Variants in RARB observed in about 807,000 individuals in gnomAD.
The protein encoded by RARB is HBV-activated protein.
Under a neutral mutation model 51.9 loss-of-function variants are expected in RARB, and 17 were observed. That is an observed-to-expected ratio of 0.33 (90% CI 0.22 to 0.49). The LOEUF (loss-of-function observed/expected upper bound fraction) is 0.49, where lower values mean the gene tolerates loss of function less well. Among genes scored for constraint, RARB ranks in the 20% least tolerant of loss-of-function variants. The pLI, the probability that RARB is intolerant of heterozygous loss-of-function variation, is 0.99. For missense variants in RARB, 369 were observed against 550.8 expected, an observed-to-expected ratio of 0.67 and a Z score of 3.30; for synonymous variants, 215 against 195.4, an observed-to-expected ratio of 1.10 and a Z score of -0.84.
At chr3:25,548,782 C>G (rs1699726532) in intron 3 of RARB, among the ~76,000 whole-genome samples, 1 of 152,062 alleles carries the variant, frequency 6.6e-6, no homozygotes, top group Non-Finnish European at 1.5e-5. Context: ...TGCTTTCTTC[C>G]CATTTTTTAT....
rs115216341 is a variant in RARB, at chr3:25,214,049, C to T, written c.178+39474C>T. ...GCCATGCATACAGAGCATTTTCATA[C>T]ATTTCTGTGAAGATGCAATACATTT... On this transcript the variant is annotated intron_variant, in intron 5 of 11. Transcript: ENST00000383772. Among the ~76,000 whole-genome samples the T allele has an allele frequency of 5.4e-3, 827 of 152,296 alleles. 14 individuals are homozygous for T. Among genetic ancestry groups the T allele is most frequent in the African/African-American group, 0.018 (730 of 41,556 alleles).
chr3:25,408,159 T>C (rs4681060), intron 5 of RARB, among the ~76,000 whole-genome samples: 1 of 152,068 alleles, frequency 6.6e-6, no homozygotes, highest in Non-Finnish European at 1.5e-5. Context: ...TTAACTACAC[T>C]GAACAGGCTC....
At chr3:25,530,404 A>G (rs1013978848) in intron 3 of RARB, among the ~76,000 whole-genome samples, 9 of 152,210 alleles carry the variant, frequency 5.9e-5, no homozygotes, top group Admixed American at 4.6e-4. Flanking sequence ...ACTATCTTGT[A>G]GTTCTGGAGG....
At chr3:24,844,722 C>T (rs1489645245) in intron 1 of RARB, among the ~76,000 whole-genome samples, 1 of 152,204 alleles carries the variant, frequency 6.6e-6, no homozygotes, top group Non-Finnish European at 1.5e-5. Context: ...ATTTTATCAA[C>T]TTATACACAG....
chr3:25,389,497 T>C (rs1706887887), intron 5 of RARB, among the ~76,000 whole-genome samples: 1 of 152,172 alleles, frequency 6.6e-6, no homozygotes, highest in South Asian at 2.1e-4. Flanking sequence ...TAGGACCAAC[T>C]CAGCGGTGTT....
intron 5 of RARB, among the ~76,000 whole-genome samples, chr3:25,199,402 G>A (rs1041303783): frequency 5.9e-5 from 9 of 151,988 alleles, no homozygotes; most frequent in Non-Finnish European, 7.4e-5. Flanking sequence ...AAAACAGAGC[G>A]ATTACAGTCA....
rs914440673 is a variant in RARB, at chr3:25,103,085, A to AG, written c.-327-29073dup. 2.0e-5 allele frequency among the ~76,000 whole-genome samples: 3 copies of AG among 152,152 alleles called. 1 individual carries two copies. Among genetic ancestry groups the AG allele is most frequent in the South Asian group, 4.1e-4 (2 of 4,832 alleles). Reference sequence around the variant, plus strand: ...TATAGTGCAGAGGTAGAACTTGTTGAGGGAGTGTAAGATGAGGAAGCTTGG... The same window carrying AG: ...TATAGTGCAGAGGTAGAACTTGTTGAGGGGAGTGTAAGATGAGGAAGCTTGG... On this transcript the variant is annotated intron_variant, in intron 3 of 11. Transcript: ENST00000383772.
intron 2 of RARB, among the ~76,000 whole-genome samples, chr3:25,045,195 G>A (rs187288376): frequency 4.6e-5 from 7 of 152,280 alleles, no homozygotes; most frequent in Admixed American, 2.0e-4. Flanking sequence ...ACTTTCCTGG[G>A]TGTTTGATGG....
intron 4 of RARB, among the ~76,000 whole-genome samples, chr3:25,140,228 T>G (rs917714184): frequency 3.3e-5 from 5 of 152,228 alleles, no homozygotes; most frequent in African/African-American, 9.6e-5. Flanking sequence ...GTGATTTCTC[T>G]GATGGATTTT....
rs116113991 is a variant in RARB, at chr3:25,239,637, T to G, written c.178+65062T>G. Among the ~76,000 whole-genome samples the G allele has an allele frequency of 4.5e-3, 683 of 152,304 alleles. 8 individuals are homozygous for G. The highest frequency in any genetic ancestry group is 0.015 in the African/African-American group (633 of 41,568). ...TATACATAGATTTATTTCTGGGTCCTCTATTCTGTTCCGTTGGTCTGCGCA... is the reference window on the plus strand; with the variant it reads ...TATACATAGATTTATTTCTGGGTCCGCTATTCTGTTCCGTTGGTCTGCGCA... On this transcript the variant is annotated intron_variant, in intron 5 of 11. Coordinates refer to the RARB transcript ENST00000383772.
At chr3:24,868,617 C>T (rs1274077037) in intron 2 of RARB, among the ~76,000 whole-genome samples, 1 of 152,126 alleles carries the variant, frequency 6.6e-6, no homozygotes, top group Non-Finnish European at 1.5e-5. Flanking sequence ...ATTATATCCT[C>T]TTCCCTTTTG....
At chr3:24,899,569 C>A (rs979611882) in intron 2 of RARB, among the ~76,000 whole-genome samples, 15 of 152,066 alleles carry the variant, frequency 9.9e-5, no homozygotes, top group African/African-American at 3.6e-4. Context: ...TGATTAGGAC[C>A]CAGAGGAGTT....
chr3:25,044,995 T>C lies in RARB; in HGVS notation c.-379-15130T>C, dbSNP rs555821671. On this transcript the variant is annotated intron_variant, in intron 2 of 11. Coordinates refer to the RARB transcript ENST00000383772. ...TCAAAGTCCTCCCGGCATTTTTTTGTTCTACTTGGAGGAATGGACTATGAC... is the reference window on the plus strand; with the variant it reads ...TCAAAGTCCTCCCGGCATTTTTTTGCTCTACTTGGAGGAATGGACTATGAC... Among the ~76,000 whole-genome samples, 314 of 152,290 alleles carry C rather than the reference T, an allele frequency of 2.1e-3. 1 individual carries two copies. The highest frequency in any genetic ancestry group is 6.7e-3 in the African/African-American group (280 of 41,564).
chr3:25,429,000 A>T, intron 1 of RARB, 112 bp downstream of exon 1: 1 of 1,298,712 alleles, frequency 7.7e-7, no homozygotes, highest in South Asian at 1.6e-5. Flanking sequence ...GGATTTAATG[A>T]TTTAATGCTG....
chr3:25,442,931 T>C (rs912866291), intron 1 of RARB, among the ~76,000 whole-genome samples: 2 of 152,138 alleles, frequency 1.3e-5, no homozygotes, highest in African/African-American at 4.8e-5. Flanking sequence ...TTTTCAAGCT[T>C]TCAACTCAGC....
chr3:25,502,906 C>G lies in RARB; in HGVS notation c.448+1583C>G, dbSNP rs147427230. The stretch of plus-strand genomic sequence containing the variant: ...TACTGAACCAGCCAACCCTATGAAA[C>G]CACTGCCTCCAGGTCGTTTTGTTAT... On this transcript the variant is annotated intron_variant, in intron 3 of 7. Transcript: ENST00000330688. Among the ~76,000 whole-genome samples, 364 of 152,330 alleles carry G rather than the reference C, an allele frequency of 2.4e-3. 2 individuals are homozygous for G. The highest frequency in any genetic ancestry group is 8.0e-3 in the African/African-American group (332 of 41,580).
intron 2 of RARB, among the ~76,000 whole-genome samples, chr3:25,470,756 C>G (rs1695647754): frequency 6.6e-6 from 1 of 152,150 alleles, no homozygotes; most frequent in Non-Finnish European, 1.5e-5. Context: ...GTTAGGTCCC[C>G]CTCTTTTACA....
intron 5 of RARB, among the ~76,000 whole-genome samples, chr3:25,584,438 G>C (rs2125311659): frequency 6.6e-6 from 1 of 152,320 alleles, no homozygotes; most frequent in South Asian, 2.1e-4. Flanking sequence ...GACACAGGTG[G>C]CATTTGAAGA....
chr3:25,109,713 CA>C lies in RARB; in HGVS notation c.-327-22447del, dbSNP rs577292158. ...ACTGGGAGGCAGGATAACCAAAAAGCAGGTTTGCTTCCCTTTCCGTGAGCGT... is the reference window on the plus strand; with the variant it reads ...ACTGGGAGGCAGGATAACCAAAAAGCGGTTTGCTTCCCTTTCCGTGAGCGT... On this transcript the variant is annotated intron_variant, in intron 3 of 11. Coordinates refer to the RARB transcript ENST00000383772. Among the ~76,000 whole-genome samples the C allele has an allele frequency of 5.7e-4, 87 of 152,280 alleles. No individual in the cohort carries two copies. In the South Asian group the frequency reaches 0.017, roughly 31 times the overall value.
Sources: gnomAD v4.1 joint callset for allele counts (sites outside exome capture counted in the v4.1 genomes callset) on GRCh38, gnomAD v4.1.1 for gene constraint, MANE v1.5 for transcripts, NCBI Gene and HGNC (gene_info 2026-07-23, HGNC 2026-07-21) for gene names.